Variants in APBB2 observed in about 807,000 individuals in gnomAD.
The protein encoded by APBB2 is Fe65-like 1.
Under a neutral mutation model 82.5 loss-of-function variants are expected in APBB2, and 38 were observed. That is an observed-to-expected ratio of 0.46 (90% CI 0.36 to 0.60). The LOEUF (loss-of-function observed/expected upper bound fraction) is 0.60, where lower values mean the gene tolerates loss of function less well. Ranked by LOEUF, APBB2 falls within the 20% of genes least tolerant of loss-of-function variation. APBB2 has a pLI of 0.00. For synonymous variants in APBB2, 341 were observed against 368.2 expected (o/e 0.93, Z 0.85); for missense variants, 772 against 972.3 (o/e 0.79, Z 2.74).
At chr4:41,210,866 A>T (rs1779142604) in intron 1 of APBB2, among the ~76,000 whole-genome samples, 2 of 152,258 alleles carry the variant, frequency 1.3e-5, no homozygotes, top group Admixed American at 1.3e-4. Context: ...CTACCTTTTC[A>T]GAGGGGTTTT....
At chr4:40,823,833 A>G (rs552631330) in intron 15 of APBB2, 74 bp from the exon 16 acceptor site, 40 of 896,734 alleles carry the variant, frequency 4.5e-5, no homozygotes, top group Non-Finnish European at 7.0e-5. Flanking sequence ...CAAATCACCA[A>G]TAACAGCTAC....
At chr4:40,889,811 C>T (rs1234615101) in intron 12 of APBB2, among the ~76,000 whole-genome samples, 2 of 152,164 alleles carry the variant, frequency 1.3e-5, no homozygotes, top group African/African-American at 4.8e-5. Flanking sequence ...GAAAAATACA[C>T]ATCAAATGGA....
chr4:41,187,048 G>C (rs11939777), intron 1 of APBB2, among the ~76,000 whole-genome samples: 18,352 of 152,124 alleles, frequency 0.12, 1,979 homozygotes, highest in African/African-American at 0.29. Context: ...TGTATTTTGT[G>C]TTTTCATTTA....
At chr4:41,201,811 G>C (rs1776764144) in intron 1 of APBB2, among the ~76,000 whole-genome samples, 1 of 152,200 alleles carries the variant, frequency 6.6e-6, no homozygotes, top group Non-Finnish European at 1.5e-5. Flanking sequence ...TGCCAATCAA[G>C]TTCATTTTTA....
At chr4:40,896,538 AATAAT>A (rs1237262223) in intron 10 of APBB2, among the ~76,000 whole-genome samples, 2 of 152,250 alleles carry the variant, frequency 1.3e-5, no homozygotes, top group Non-Finnish European at 1.5e-5. Flanking sequence ...ATGAGGAGAA[AATAAT>A]ATAAGTAGTG....
chr4:41,063,210 T>G (rs1730467249), intron 4 of APBB2, among the ~76,000 whole-genome samples: 1 of 152,174 alleles, frequency 6.6e-6, no homozygotes, highest in Admixed American at 6.5e-5. Context: ...GGTGGGCAAA[T>G]TTTTTCTTAA....
chr4:41,149,100 C>T (rs949570167), intron 1 of APBB2, among the ~76,000 whole-genome samples: 20 of 152,178 alleles, frequency 1.3e-4, no homozygotes, highest in African/African-American at 4.8e-4. Context: ...ATGAAGGGCG[C>T]TCTGAGGTTT....
chr4:41,189,788 C>T (rs1475004000), intron 1 of APBB2, among the ~76,000 whole-genome samples: 15 of 152,166 alleles, frequency 9.9e-5, no homozygotes, highest in Admixed American at 9.8e-4. Context: ...CTCTAACACC[C>T]CAGACAAAAC....
chr4:41,198,721 T>G (rs893626173), intron 1 of APBB2, among the ~76,000 whole-genome samples: 2 of 152,232 alleles, frequency 1.3e-5, no homozygotes, highest in African/African-American at 4.8e-5. Context: ...CTCTCGGTTC[T>G]AGAAGCTAGA....
Position 41,013,817 on chromosome 4 carries a change from T to C in APBB2, c.601A>G (p.Ile201Val). Residue 201 changes from isoleucine (I) to valine (V), a missense_variant, in exon 6 of 18, where the codon ATT (isoleucine) becomes GTT (valine). Coordinates refer to ENST00000508593, the MANE Select transcript of APBB2 (RefSeq NM_004307.2). ...QPVQGQASTI[I>V]GNGDLLLQKP... ...TGCAGCAGCAAATCGCCATTCCCAATGATGGTGGAGGCCTGGCCCTGGACT... is the reference window on the plus strand; with the variant it reads ...TGCAGCAGCAAATCGCCATTCCCAACGATGGTGGAGGCCTGGCCCTGGACT... The C allele has an allele frequency of 6.2e-7, 1 of 1,614,196 alleles. No homozygotes were observed.
chr4:40,907,269 T>A (rs1449321437), intron 10 of APBB2, among the ~76,000 whole-genome samples: 1 of 150,276 alleles, frequency 6.7e-6, no homozygotes. Context: ...AATGCAGTAA[T>A]TAAGTTAAAT....
chr4:41,018,306 T>C (rs1810563068), intron 5 of APBB2, among the ~76,000 whole-genome samples: 1 of 152,186 alleles, frequency 6.6e-6, no homozygotes, highest in Admixed American at 6.5e-5. Flanking sequence ...GCTTTCAGGC[T>C]TGCAGAAGAA....
intron 6 of APBB2, among the ~76,000 whole-genome samples, chr4:40,957,255 A>C (rs1196012095): frequency 6.6e-6 from 1 of 152,260 alleles, no homozygotes; most frequent in Non-Finnish European, 1.5e-5. Flanking sequence ...TTTAAATGCC[A>C]TCAACCACAG....
At chr4:40,870,733 T>A (rs1261992916) in intron 12 of APBB2, among the ~76,000 whole-genome samples, 2 of 143,932 alleles carry the variant, frequency 1.4e-5, no homozygotes, top group Non-Finnish European at 3.1e-5. Flanking sequence ...GTATACACAC[T>A]CTTTTTTTTT....
intron 10 of APBB2, among the ~76,000 whole-genome samples, chr4:40,918,759 G>GTT (rs1208082701): frequency 0.011 from 898 of 84,306 alleles, 15 homozygotes; most frequent in African/African-American, 0.044. Context: ...TTTTTTCTCT[G>GTT]TTTTTTTTTT....
At chr4:41,159,998 A>AGAG (rs1764644849) in intron 1 of APBB2, among the ~76,000 whole-genome samples, 1 of 149,428 alleles carries the variant, frequency 6.7e-6, no homozygotes, top group Non-Finnish European at 1.5e-5. Context: ...AAGAAGAAGA[A>AGAG]GAAGAAGAAG....
At chr4:40,992,598 G>A (rs1438005707) in intron 6 of APBB2, among the ~76,000 whole-genome samples, 3 of 152,304 alleles carry the variant, frequency 2.0e-5, no homozygotes, top group Admixed American at 1.3e-4. Context: ...GTAAGGAAGA[G>A]AGCAAACCAA....
intron 1 of APBB2, among the ~76,000 whole-genome samples, chr4:41,165,356 CAG>C (rs1408838843): frequency 6.6e-6 from 1 of 152,168 alleles, no homozygotes; most frequent in Non-Finnish European, 1.5e-5. Context: ...CACAAGGAGT[CAG>C]AGGCCACAGG....
chr4:40,944,023 A>T (rs893114820), intron 7 of APBB2, among the ~76,000 whole-genome samples: 4 of 152,290 alleles, frequency 2.6e-5, no homozygotes, highest in African/African-American at 9.6e-5. Flanking sequence ...TTGCAAACAG[A>T]TAAAGAAGCT....
Sources: gnomAD v4.1 joint callset for allele counts (sites outside exome capture counted in the v4.1 genomes callset) on GRCh38, gnomAD v4.1.1 for gene constraint, MANE v1.5 for transcripts, NCBI Gene and HGNC (gene_info 2026-07-23, HGNC 2026-07-21) for gene names.